The following SLC16A10 variants were observed in gnomAD, a reference collection of about 807,000 sequenced individuals.
SLC16A10 encodes solute carrier family 16 member 10.
A neutral mutation model predicts 40.0 loss-of-function variants in SLC16A10; 27 were observed. The ratio of observed to expected loss-of-function variants is 0.67; its 90% CI spans 0.50 to 0.93. The LOEUF is 0.93. SLC16A10 is among the 40% of genes least tolerant of loss of function. The pLI, the probability that SLC16A10 is intolerant of heterozygous loss-of-function variation, is 0.00. For synonymous variants in SLC16A10, 213 were observed against 249.8 expected (o/e 0.85, Z 1.39); for missense variants, 529 against 658.2 (o/e 0.80, Z 2.15).
intron 1 of SLC16A10, among the ~76,000 whole-genome samples, chr6:111,140,110 A>G (rs1583323451): frequency 6.6e-6 from 1 of 152,180 alleles, no homozygotes; most frequent in South Asian, 2.1e-4. Context: ...CCTGTGACAC[A>G]TGTTTATCTA....
rs988519724 is a variant in SLC16A10, at chr6:111,087,762, T to A, written c.10T>A (p.Ser4Thr). 8.3e-7 allele frequency: 1 copy of A among 1,209,290 alleles called. No homozygotes were observed. The highest frequency in any genetic ancestry group is 1.6e-5 in the African/African-American group (1 of 62,476). The allele number at this position is 1,209,290 out of a possible 1,614,324, so 74.9% of individuals were successfully genotyped here. ...GGGCCCGCCTCGGGCCATGGTGCTC[T>A]CCCAGGAGGAGCCGGACTCCGCGCG... MVLSQEEPDSARGT... is the reference protein window; with the variant it reads MVLTQEEPDSARGT... Residue 4 changes from serine to threonine, a missense_variant, in exon 1 of 6, where the codon TCC (serine) becomes ACC (threonine). By Grantham distance (58) the Ser-to-Thr change is moderately conservative. Coordinates refer to ENST00000368851, the MANE Select transcript of SLC16A10 (RefSeq NM_018593.5).
At chr6:111,094,456 C>T (rs1005103511) in intron 1 of SLC16A10, among the ~76,000 whole-genome samples, 4 of 152,184 alleles carry the variant, frequency 2.6e-5, no homozygotes, top group Non-Finnish European at 5.9e-5. Context: ...CTTCTTAATT[C>T]TCTGTGCATG....
intron 1 of SLC16A10, among the ~76,000 whole-genome samples, chr6:111,123,895 C>T (rs1188392490): frequency 1.3e-5 from 2 of 152,102 alleles, no homozygotes; most frequent in East Asian, 1.9e-4. Flanking sequence ...GGCTTTAATC[C>T]TCTCCCCTCT....
At chr6:111,183,185 C>T (rs990355463) in intron 3 of SLC16A10, among the ~76,000 whole-genome samples, 2 of 152,208 alleles carry the variant, frequency 1.3e-5, no homozygotes, top group African/African-American at 4.8e-5. Context: ...GTCCCTTGCC[C>T]ACTCTGCTTC....
intron 1 of SLC16A10, among the ~76,000 whole-genome samples, chr6:111,136,737 T>C (rs1043697227): frequency 3.3e-5 from 5 of 152,176 alleles, no homozygotes; most frequent in Admixed American, 3.3e-4. Flanking sequence ...GAAAAAGGAC[T>C]TCGAAAAGCA....
intron 4 of SLC16A10, among the ~76,000 whole-genome samples, chr6:111,210,833 G>A (rs562365400): frequency 4.4e-4 from 67 of 152,114 alleles, no homozygotes; most frequent in African/African-American, 1.6e-3. Flanking sequence ...TCAGGAGATC[G>A]AAACACAGTG....
chr6:111,103,321 G>A (rs1172573902), intron 1 of SLC16A10, among the ~76,000 whole-genome samples: 1 of 152,112 alleles, frequency 6.6e-6, no homozygotes, highest in African/African-American at 2.4e-5. Context: ...GGGTTCAAGC[G>A]ATTCTCCTGT....
intron 1 of SLC16A10, among the ~76,000 whole-genome samples, chr6:111,171,602 A>T (rs545897456): frequency 1.3e-5 from 2 of 152,120 alleles, no homozygotes; most frequent in South Asian, 4.2e-4. Context: ...GATCGCTTGA[A>T]CCTAGGAGTT....
intron 2 of SLC16A10, among the ~76,000 whole-genome samples, chr6:111,176,284 A>C (rs1772683058): frequency 1.3e-5 from 2 of 152,210 alleles, no homozygotes; most frequent in Non-Finnish European, 2.9e-5. Context: ...TAGCATTATT[A>C]TCCAAAATTT....
At chr6:111,217,331 G>A (rs1219685596) in intron 4 of SLC16A10, among the ~76,000 whole-genome samples, 1 of 152,198 alleles carries the variant, frequency 6.6e-6, no homozygotes, top group Non-Finnish European at 1.5e-5. Context: ...AACAATGCTT[G>A]GCACTTGGTA....
intron 3 of SLC16A10, among the ~76,000 whole-genome samples, chr6:111,205,523 G>A (rs1402837483): frequency 1.3e-5 from 2 of 152,326 alleles, no homozygotes; most frequent in Middle Eastern, 6.8e-3. Context: ...ATACCTGATT[G>A]TTATTAACTG....
intron 1 of SLC16A10, among the ~76,000 whole-genome samples, chr6:111,167,061 A>T (rs934380184): frequency 2.6e-5 from 4 of 152,236 alleles, no homozygotes; most frequent in African/African-American, 9.6e-5. Flanking sequence ...ACTGAAAATT[A>T]TTGGAAGGTA....
chr6:111,230,014 G>A lies in SLC16A10; in HGVS notation c.*7779G>A, dbSNP rs1771082006. 2.6e-4 allele frequency: 1 copy of A among 3,858 alleles called. No homozygotes were observed. Among genetic ancestry groups the A allele is most frequent in the Admixed American group, 4.4e-3 (1 of 228 alleles). The allele number at this position is 3,858 out of a possible 1,614,324, so 0.2% of individuals were successfully genotyped here. On this transcript the variant is annotated 3_prime_UTR_variant, in exon 6 of 6. Transcript: ENST00000368851. Reference sequence around the variant, plus strand: ...TCTTTTTTTTTTTTTTTTTTGAGATGGAGTCTTGCTCTATTGCCAGGCTCC... The same window carrying A: ...TCTTTTTTTTTTTTTTTTTTGAGATAGAGTCTTGCTCTATTGCCAGGCTCC...
chr6:111,181,309 T>C (rs1772787779), intron 3 of SLC16A10, among the ~76,000 whole-genome samples: 1 of 152,142 alleles, frequency 6.6e-6, no homozygotes, highest in Non-Finnish European at 1.5e-5. Flanking sequence ...GGGCATCCTC[T>C]GTAAGCATCA....
intron 3 of SLC16A10, among the ~76,000 whole-genome samples, chr6:111,197,561 T>C (rs1773098700): frequency 6.6e-6 from 1 of 152,212 alleles, no homozygotes; most frequent in African/African-American, 2.4e-5. Flanking sequence ...TGTATCCTTT[T>C]CTGTTTTAAG....
At chr6:111,159,612 A>G (rs1003555936) in intron 1 of SLC16A10, among the ~76,000 whole-genome samples, 1 of 152,178 alleles carries the variant, frequency 6.6e-6, no homozygotes, top group African/African-American at 2.4e-5. Flanking sequence ...AAGTTTTTGT[A>G]TAGGCATATG....
chr6:111,118,679 CAAAA>C (rs74273023), intron 1 of SLC16A10, among the ~76,000 whole-genome samples: 3 of 66,552 alleles, frequency 4.5e-5, no homozygotes, highest in Admixed American at 3.7e-4. Flanking sequence ...GCCTCCGTCT[CAAAA>C]AAAAAAAAAA....
At chr6:111,220,261 A>G (rs1770866418) in intron 5 of SLC16A10, among the ~76,000 whole-genome samples, 1 of 152,226 alleles carries the variant, frequency 6.6e-6, no homozygotes, top group South Asian at 2.1e-4. Flanking sequence ...TTGGAACTAA[A>G]TAGAAGCAGT....
In SLC16A10 at chr6:111,221,984, C is replaced by T. The variant is rs1430274055; in HGVS notation, c.1316-19C>T. On this transcript the variant is annotated intron_variant, in intron 5 of 5. Transcript: ENST00000368851. ...AGCCACACTTGTTCTCCCTTGGTGA[C>T]AGCTTTTTCCCTTCTCAGGGTTACT... 1.3e-6 allele frequency: 2 copies of T among 1,590,934 alleles called. No homozygotes were observed. The highest frequency in any genetic ancestry group is 1.7e-6 in the Non-Finnish European group (2 of 1,173,810).
Sources: gnomAD v4.1 joint callset for allele counts (sites outside exome capture counted in the v4.1 genomes callset) on GRCh38, gnomAD v4.1.1 for gene constraint, MANE v1.5 for transcripts, NCBI Gene and HGNC (gene_info 2026-07-23, HGNC 2026-07-21) for gene names.